Variants in GLIS3 observed in about 807,000 individuals in gnomAD.
GLIS3 encodes the protein GLIS family zinc finger 3.
A neutral mutation model predicts 78.6 loss-of-function variants in GLIS3; 53 were observed. That is an observed-to-expected ratio of 0.67 (90% CI 0.54 to 0.85). The LOEUF (loss-of-function observed/expected upper bound fraction) is 0.85. Among genes scored for constraint, GLIS3 ranks in the 40% least tolerant of loss-of-function variants. GLIS3 has a pLI of 0.00. For synonymous variants in GLIS3, 684 were observed against 509.9 expected (o/e 1.34, Z -4.60); for missense variants, 1,703 against 1,231.1 (o/e 1.38, Z -5.74).
At chr9:4,028,481 T>C (rs561631183) in intron 4 of GLIS3, among the ~76,000 whole-genome samples, 2 of 152,310 alleles carry the variant, frequency 1.3e-5, no homozygotes, top group South Asian at 4.1e-4. Context: ...TCTCTTTTCA[T>C]TTTTCAGTAA....
the GLIS3 span, among the ~76,000 whole-genome samples, chr9:4,370,061 G>GC: frequency 2.0e-5 from 3 of 151,598 alleles, no homozygotes; most frequent in African/African-American, 4.8e-5. Context: ...GCCTGGTGGC[G>GC]CATGCCTGTT....
chr9:4,302,324 T>G (rs1370404475), upstream of GLIS3, among the ~76,000 whole-genome samples: 9 of 152,232 alleles, frequency 5.9e-5, no homozygotes, highest in Admixed American at 5.9e-4. Context: ...CAGTGTTGTA[T>G]GTGCCTCAAC....
chr9:3,904,788 A>C (rs1823547560), intron 6 of GLIS3, among the ~76,000 whole-genome samples: 1 of 152,152 alleles, frequency 6.6e-6, no homozygotes, highest in Non-Finnish European at 1.5e-5. Context: ...AGAGATGAGA[A>C]ATCTAAAATA....
chr9:4,336,128 T>C (rs1027235145), intron 2 of GLIS3, among the ~76,000 whole-genome samples: 1 of 152,202 alleles, frequency 6.6e-6, no homozygotes, highest in African/African-American at 2.4e-5. Flanking sequence ...AGGGTCACAA[T>C]AGCAGTAGAA....
At chr9:4,199,092 C>T (rs1255539301) in intron 2 of GLIS3, among the ~76,000 whole-genome samples, 5 of 152,174 alleles carry the variant, frequency 3.3e-5, no homozygotes, top group African/African-American at 1.2e-4. Context: ...AAGAACTATA[C>T]CTGTTACCAC....
intron 2 of GLIS3, among the ~76,000 whole-genome samples, chr9:4,273,205 G>A (rs976811827): frequency 2.0e-5 from 3 of 150,836 alleles, no homozygotes; most frequent in Admixed American, 6.6e-5. Flanking sequence ...CTTGTGCAGC[G>A]CAGTTGCAGT....
At chr9:4,363,449 A>G in the GLIS3 span, among the ~76,000 whole-genome samples, 1 of 152,208 alleles carries the variant, frequency 6.6e-6, no homozygotes, top group Non-Finnish European at 1.5e-5. Context: ...GGTTGTTTTA[A>G]CACCAAAAAT....
At chr9:4,364,205 C>T in the GLIS3 span, among the ~76,000 whole-genome samples, 4 of 152,196 alleles carry the variant, frequency 2.6e-5, no homozygotes, top group Non-Finnish European at 4.4e-5. Context: ...CCTCAGTCTA[C>T]TGAAAAACTA....
chr9:4,382,090 T>G, the GLIS3 span, among the ~76,000 whole-genome samples: 1 of 152,230 alleles, frequency 6.6e-6, no homozygotes, highest in Admixed American at 6.5e-5. Context: ...CTTTTCCCTT[T>G]TTGCTTCTTT....
At position 4,123,800 on chromosome 9, in the gene GLIS3, G is replaced by A. The variant is rs1832366988; in HGVS notation, c.596+1934C>T. On this transcript the variant is annotated intron_variant, in intron 3 of 10. Coordinates refer to ENST00000381971, the MANE Select transcript of GLIS3 (RefSeq NM_001042413.2). ...CGTCTCTGGGGACAGAATTCAGGAT[G>A]ACTGTCATTTAGTGCTTGGTACTTT... 1.0e-5 allele frequency: 4 copies of A among 398,144 alleles called. No individual in the cohort carries two copies. In the Admixed American group the frequency reaches 1.3e-4, roughly 13 times the overall value. The allele number at this position is 398,144 out of a possible 1,614,324, so 24.7% of individuals were successfully genotyped here.
chr9:3,861,367 T>A (rs1277933336), intron 8 of GLIS3, among the ~76,000 whole-genome samples: 1 of 152,164 alleles, frequency 6.6e-6, no homozygotes, highest in Non-Finnish European at 1.5e-5. Flanking sequence ...CTCAAAGACC[T>A]AGAACCAGAA....
chr9:4,384,801 A>C, the GLIS3 span, among the ~76,000 whole-genome samples: 13 of 151,892 alleles, frequency 8.6e-5, no homozygotes, highest in Non-Finnish European at 2.9e-5. Flanking sequence ...TCCCACTCCC[A>C]CCCACTCAAC....
the GLIS3 span, among the ~76,000 whole-genome samples, chr9:4,411,443 T>G: frequency 6.6e-6 from 1 of 152,230 alleles, no homozygotes; most frequent in Non-Finnish European, 1.5e-5. Flanking sequence ...TTGTACATAT[T>G]TTTTAGTTAT....
chr9:4,408,734 A>C, the GLIS3 span, among the ~76,000 whole-genome samples: 10 of 151,368 alleles, frequency 6.6e-5, no homozygotes, highest in Admixed American at 4.6e-4. Context: ...CTCAAAAAAA[A>C]AAAAAAAAAA....
At chr9:4,331,675 C>T (rs146030348) in intron 2 of GLIS3, among the ~76,000 whole-genome samples, 15 of 152,210 alleles carry the variant, frequency 9.9e-5, no homozygotes, top group African/African-American at 2.6e-4. Flanking sequence ...TGGGTTATGA[C>T]GAAGAAATAT....
chr9:4,479,555 G>A, the GLIS3 span, among the ~76,000 whole-genome samples: 1 of 152,148 alleles, frequency 6.6e-6, no homozygotes, highest in Non-Finnish European at 1.5e-5. Flanking sequence ...AGACTCTAAG[G>A]AGGGTCACTC....
At chr9:4,213,692 T>G (rs564634293) in intron 2 of GLIS3, among the ~76,000 whole-genome samples, 6 of 152,302 alleles carry the variant, frequency 3.9e-5, no homozygotes, top group African/African-American at 1.4e-4. Flanking sequence ...AACCCTGGCA[T>G]GCGAAAAAGC....
upstream of GLIS3, among the ~76,000 whole-genome samples, chr9:4,303,147 GAAC>G (rs1166330978): frequency 6.6e-6 from 1 of 151,788 alleles, no homozygotes; most frequent in East Asian, 1.9e-4. Flanking sequence ...AACTTGCAAA[GAAC>G]TATGATCAGA....
At chr9:3,966,727 G>C (rs1817961347) in intron 4 of GLIS3, among the ~76,000 whole-genome samples, 2 of 151,426 alleles carry the variant, frequency 1.3e-5, no homozygotes, top group African/African-American at 4.8e-5. Flanking sequence ...CCCGGGAGGT[G>C]GTGTGAGCTG....
Sources: gnomAD v4.1 joint callset for allele counts (sites outside exome capture counted in the v4.1 genomes callset) on GRCh38, gnomAD v4.1.1 for gene constraint, MANE v1.5 for transcripts, NCBI Gene and HGNC (gene_info 2026-07-23, HGNC 2026-07-21) for gene names.